TMTC1: variants seen among roughly 807,000 people sequenced by gnomAD.
TMTC1 encodes transmembrane O-mannosyltransferase targeting cadherins 1.
Under a neutral mutation model 104.8 loss-of-function variants are expected in TMTC1, and 73 were observed. The ratio of observed to expected loss-of-function variants is 0.70; its 90% CI spans 0.58 to 0.85. TMTC1 has a LOEUF of 0.85. TMTC1 is among the 40% of genes least tolerant of loss of function. The pLI is 0.00. For missense variants in TMTC1, 1,035 were observed against 1,096.1 expected (o/e 0.94, Z 0.79); for synonymous variants, 434 against 428.7 (o/e 1.01, Z -0.15).
At chr12:29,632,333 C>T (rs572322899) in intron 6 of TMTC1, among the ~76,000 whole-genome samples, 1 of 152,176 alleles carries the variant, frequency 6.6e-6, no homozygotes, top group Admixed American at 6.5e-5. Context: ...TGTCACTACC[C>T]AAATCTCATC....
At chr12:29,509,630 A>C (rs574461821) in intron 17 of TMTC1, among the ~76,000 whole-genome samples, 1 of 152,246 alleles carries the variant, frequency 6.6e-6, no homozygotes, top group Non-Finnish European at 1.5e-5. Context: ...CATCTGAGCC[A>C]TGTGCCTGTT....
At chr12:29,742,911 C>T (rs976976668) in intron 5 of TMTC1, among the ~76,000 whole-genome samples, 1 of 152,158 alleles carries the variant, frequency 6.6e-6, no homozygotes, top group Non-Finnish European at 1.5e-5. Flanking sequence ...AAAGACTATA[C>T]AACTTTCCTT....
At chr12:29,591,908 G>GAAAACAAAAC (rs61162219) in intron 7 of TMTC1, among the ~76,000 whole-genome samples, 55,101 of 150,318 alleles carry the variant, frequency 0.37, 10,367 homozygotes, top group Non-Finnish European at 0.4. Context: ...GCTTTTAAGT[G>GAAAACAAAAC]AAAACAAAAC....
intron 6 of TMTC1, among the ~76,000 whole-genome samples, chr12:29,607,715 G>A (rs1592314297): frequency 6.6e-6 from 1 of 152,246 alleles, no homozygotes; most frequent in East Asian, 1.9e-4. Context: ...TAGTGACCCT[G>A]CCACCGATAC....
At chr12:29,621,307 C>G (rs1040132604) in intron 6 of TMTC1, among the ~76,000 whole-genome samples, 1 of 152,156 alleles carries the variant, frequency 6.6e-6, no homozygotes, top group Non-Finnish European at 1.5e-5. Flanking sequence ...GCCATAATAC[C>G]ATAACCTATT....
At chr12:29,660,943 CCTTTCAAGGTGAAGACGCTGCAG>C in intron 5 of TMTC1, 1 of 1,046,802 alleles carries the variant, frequency 9.6e-7, no homozygotes, top group Non-Finnish European at 1.3e-6. Context: ...ACAATGTTCT[CCTTTCAAGGTGAAGACGCTGCAG>C]CTCTGAAGAA....
chr12:29,615,547 C>T (rs1392186217), intron 6 of TMTC1, among the ~76,000 whole-genome samples: 1 of 152,140 alleles, frequency 6.6e-6, no homozygotes, highest in African/African-American at 2.4e-5. Context: ...TAATAATATA[C>T]CAATGAATGA....
intron 5 of TMTC1, among the ~76,000 whole-genome samples, chr12:29,719,305 TATTTCTTGGA>T (rs530785810): frequency 1.1e-3 from 165 of 152,338 alleles, no homozygotes; most frequent in African/African-American, 3.7e-3. Flanking sequence ...ACTGAGCTCT[TATTTCTTGGA>T]ATTTCTTCTT....
chr12:29,713,885 G>C (rs1591964232), intron 5 of TMTC1, among the ~76,000 whole-genome samples: 1 of 151,862 alleles, frequency 6.6e-6, no homozygotes, highest in East Asian at 1.9e-4. Flanking sequence ...TGTAACAAGA[G>C]ATGTGTTGGT....
intron 10 of TMTC1, among the ~76,000 whole-genome samples, chr12:29,549,077 G>A (rs1229570965): frequency 6.8e-6 from 1 of 146,404 alleles, no homozygotes; most frequent in African/African-American, 2.5e-5. Flanking sequence ...CAAGAAAAAT[G>A]AACATACAAA....
intron 8 of TMTC1, among the ~76,000 whole-genome samples, chr12:29,575,034 G>A (rs1945783937): frequency 6.6e-6 from 1 of 152,128 alleles, no homozygotes; most frequent in African/African-American, 2.4e-5. Flanking sequence ...ATGATACGAG[G>A]AGGGGTGGGA....
chr12:29,706,487 A>G (rs1027310253), intron 5 of TMTC1, among the ~76,000 whole-genome samples: 2 of 152,214 alleles, frequency 1.3e-5, no homozygotes, highest in Non-Finnish European at 1.5e-5. Context: ...ATGAGCCACA[A>G]TGCTAATGAG....
intron 10 of TMTC1, among the ~76,000 whole-genome samples, chr12:29,554,132 T>G (rs1307446439): frequency 2.0e-5 from 3 of 152,202 alleles, no homozygotes; most frequent in Non-Finnish European, 2.9e-5. Context: ...AATGACTTAT[T>G]AAAACACAAA....
intron 5 of TMTC1, among the ~76,000 whole-genome samples, chr12:29,650,087 C>T (rs111480555): frequency 2.1e-5 from 3 of 142,666 alleles, no homozygotes; most frequent in African/African-American, 7.7e-5. Context: ...CTTTTCTTTT[C>T]TTTTTTTTTT....
At chr12:29,536,422 C>A in intron 10 of TMTC1, 105 bp from the exon 11 acceptor site, 2 of 726,426 alleles carry the variant, frequency 2.8e-6, no homozygotes, top group South Asian at 1.7e-5. Flanking sequence ...CAAAGGTTAG[C>A]TGATTCACTC....
intron 5 of TMTC1, among the ~76,000 whole-genome samples, chr12:29,676,990 A>C (rs1940751463): frequency 6.6e-6 from 1 of 152,210 alleles, no homozygotes; most frequent in South Asian, 2.1e-4. Context: ...CCTCCAGAGG[A>C]GATGCAGACA....
At position 29,503,640 on chromosome 12, in the gene TMTC1, T is replaced by C. The variant is rs1943640146; in HGVS notation, c.*3206A>G. 6.6e-6 allele frequency: 1 copy of C among 152,150 alleles called. No homozygotes were observed. 9.4% of individuals were successfully genotyped at this position (152,150 alleles called of 1,614,324 possible). The stretch of plus-strand genomic sequence containing the variant: ...AGCAAATCTGTTCAGAGTAACACAA[T>C]CATAAAATGAAACTCTGATCATTGG... On this transcript the variant is annotated 3_prime_UTR_variant, in exon 18 of 18. Transcript: ENST00000539277.
intron 8 of TMTC1, among the ~76,000 whole-genome samples, chr12:29,574,165 C>A (rs1175896925): frequency 2.0e-5 from 3 of 152,102 alleles, no homozygotes; most frequent in Admixed American, 2.0e-4. Flanking sequence ...GGAGAATAGC[C>A]CTGCATGTTC....
intron 5 of TMTC1, among the ~76,000 whole-genome samples, chr12:29,680,132 G>A (rs1180967683): frequency 6.6e-6 from 1 of 152,152 alleles, no homozygotes; most frequent in East Asian, 1.9e-4. Flanking sequence ...TTCAGTGGCA[G>A]CAAGGGAGAC....
Sources: gnomAD v4.1 joint callset for allele counts (sites outside exome capture counted in the v4.1 genomes callset) on GRCh38, gnomAD v4.1.1 for gene constraint, MANE v1.5 for transcripts, NCBI Gene and HGNC (gene_info 2026-07-23, HGNC 2026-07-21) for gene names.